Variants in TRIM23 observed in about 807,000 individuals in gnomAD.
TRIM23 encodes the protein E3 ubiquitin-protein ligase TRIM23.
A neutral mutation model predicts 71.0 loss-of-function variants in TRIM23; 27 were observed. The ratio of observed to expected loss-of-function variants is 0.38; its 90% CI spans 0.28 to 0.52. The LOEUF (loss-of-function observed/expected upper bound fraction) is 0.52, where lower values mean the gene tolerates loss of function less well. Among genes scored for constraint, TRIM23 ranks in the 20% least tolerant of loss-of-function variants. The pLI is 0.84. For missense variants in TRIM23, 482 were observed against 692.3 expected, an observed-to-expected ratio of 0.70 and a Z score of 3.41; for synonymous variants, 234 against 238.0, an observed-to-expected ratio of 0.98 and a Z score of 0.16.
intron 10 of TRIM23, among the ~76,000 whole-genome samples, chr5:65,593,906 T>C (rs758217627): frequency 6.6e-6 from 1 of 152,214 alleles, no homozygotes; most frequent in African/African-American, 2.4e-5. Flanking sequence ...AATTATAGTA[T>C]TGAAACACTG....
chr5:65,613,515 A>T (rs1754705367), intron 3 of TRIM23, among the ~76,000 whole-genome samples: 2 of 152,230 alleles, frequency 1.3e-5, no homozygotes. Context: ...ATGTGCAGCT[A>T]TGCAAACACA....
At chr5:65,620,024 G>T (rs1413218872) in intron 1 of TRIM23, among the ~76,000 whole-genome samples, 1 of 152,162 alleles carries the variant, frequency 6.6e-6, no homozygotes, top group Non-Finnish European at 1.5e-5. Flanking sequence ...GGCGGAGGTT[G>T]CAGTGAGCCA....
intron 1 of TRIM23, among the ~76,000 whole-genome samples, chr5:65,620,997 T>G (rs1335611816): frequency 1.3e-5 from 2 of 151,800 alleles, no homozygotes; most frequent in Non-Finnish European, 1.5e-5. Flanking sequence ...GCCATTGCAC[T>G]CCCACCTGGG....
chr5:65,591,909 G>A lies in TRIM23; in HGVS notation c.1585C>T (p.Leu529=). 6.2e-7 allele frequency: 1 copy of A among 1,613,674 alleles called. No homozygotes were observed. The highest frequency in any genetic ancestry group is 8.5e-7 in the Non-Finnish European group (1 of 1,179,810). The change falls in exon 11 of 11, where the codon CTA becomes TTA. Residue 529 remains leucine, a synonymous_variant. Transcript: ENST00000231524. ...CAGCATAATTTATGGAGACTGAGTA[G>A]TTCAGTGATTTCTTCTACTGACAGT... ...GALSVEEITE[L]LSLHKLCCGR...
chr5:65,615,563 CA>C (rs1248142131), intron 2 of TRIM23, among the ~76,000 whole-genome samples: 1 of 151,756 alleles, frequency 6.6e-6, no homozygotes, highest in African/African-American at 2.4e-5. Flanking sequence ...GTGGTTCTCC[CA>C]AAAAAACTGG....
intron 1 of TRIM23, among the ~76,000 whole-genome samples, chr5:65,623,114 T>A (rs1754991385): frequency 6.6e-6 from 1 of 152,236 alleles, no homozygotes; most frequent in Admixed American, 6.5e-5. Context: ...GATACTAAAT[T>A]GTGGGAAGAA....
At chr5:65,599,201 A>T (rs1386245174) in intron 7 of TRIM23, among the ~76,000 whole-genome samples, 7 of 152,228 alleles carry the variant, frequency 4.6e-5, no homozygotes. Context: ...CTATTAGAAT[A>T]AAGTCAACAA....
chr5:65,606,557 C>T (rs1017754702), intron 6 of TRIM23, among the ~76,000 whole-genome samples: 2 of 152,094 alleles, frequency 1.3e-5, no homozygotes, highest in Non-Finnish European at 2.9e-5. Context: ...GATTTCAGCT[C>T]CTATTACTCT....
At chr5:65,621,811 ATGT>A (rs756349678) in intron 1 of TRIM23, among the ~76,000 whole-genome samples, 1 of 151,344 alleles carries the variant, frequency 6.6e-6, no homozygotes, top group Non-Finnish European at 1.5e-5. Flanking sequence ...ATTTTATTTT[ATGT>A]TGTTATTTAT....
Position 65,590,255 on chromosome 5 carries a change from G to T in TRIM23, c.*1514C>A. The T allele has an allele frequency of 9.3e-7, 1 of 1,077,460 alleles. No individual in the cohort carries two copies. The highest frequency in any genetic ancestry group is 1.4e-6 in the Non-Finnish European group (1 of 727,302). The allele number at this position is 1,077,460 out of a possible 1,614,324, so 66.7% of individuals were successfully genotyped here. A position where few individuals can be genotyped will look rare whatever the true frequency, so the allele number is the denominator to read the frequency against. On this transcript the variant is annotated 3_prime_UTR_variant, in exon 11 of 11. Transcript: ENST00000231524. ...AAATATTAAATAATTTAATTCGGAA[G>T]TATTATTTATGCACACAAACTACAC...
chr5:65,624,225 C>G lies in TRIM23; in HGVS notation c.50G>C (p.Arg17Pro). 1 of 1,614,216 alleles carries G rather than the reference C, an allele frequency of 6.2e-7. No homozygotes were observed. The highest frequency in any genetic ancestry group is 8.5e-7 in the Non-Finnish European group (1 of 1,180,046). The change falls in exon 1 of 11, where the codon CGG (arginine) becomes CCG (proline). Residue 17 changes from arginine to proline, a missense_variant. By Grantham distance (103) the Arg-to-Pro change is moderately radical (BLOSUM62 -2). Around this residue, in one of 2 missense-constraint regions of TRIM23, gnomAD observed 175 missense variants for 196.5 expected, o/e 0.89. Transcript: ENST00000231524. ...NKLGAGVDSG[R>P]QGSRGTAVVK... ...TACAGCTGTCCCCCGGCTGCCCTGC[C>G]GGCCACTGTCTACTCCCGCTCCGAG...
chr5:65,617,595 A>C (rs1263299240), intron 2 of TRIM23, among the ~76,000 whole-genome samples: 2 of 152,232 alleles, frequency 1.3e-5, no homozygotes, highest in Non-Finnish European at 2.9e-5. Context: ...AAACTGCAAA[A>C]AAAAGCCACA....
Position 65,590,191 on chromosome 5 carries a change from CA to C in TRIM23, c.*1577del, listed in dbSNP as rs1753980076. The C allele has an allele frequency of 1.3e-6, 1 of 751,838 alleles. No individual in the cohort carries two copies. The highest frequency in any genetic ancestry group is 1.8e-5 in the African/African-American group (1 of 55,318). The allele number at this position is 751,838 out of a possible 1,614,324, so 46.6% of individuals were successfully genotyped here. On this transcript the variant is annotated 3_prime_UTR_variant, in exon 11 of 11. Transcript: ENST00000231524. ...ACAGTTCAAGTTCTCACAAGCAATACAACACCTTTTTTATTTTTCACAGTTA... is the reference window on the plus strand; with the variant it reads ...ACAGTTCAAGTTCTCACAAGCAATACACACCTTTTTTATTTTTCACAGTTA...
At chr5:65,613,864 T>C in intron 3 of TRIM23, 3 of 1,423,732 alleles carry the variant, frequency 2.1e-6, no homozygotes, top group Admixed American at 2.2e-5. Flanking sequence ...AACTGAATTA[T>C]GATAAGGAAA....
At chr5:65,616,117 TG>T (rs1172858395) in intron 2 of TRIM23, among the ~76,000 whole-genome samples, 1 of 152,198 alleles carries the variant, frequency 6.6e-6, no homozygotes, top group Non-Finnish European at 1.5e-5. Context: ...GGCAAGGAAG[TG>T]TAATTTCACC....
intron 7 of TRIM23, among the ~76,000 whole-genome samples, chr5:65,602,523 C>G (rs1268191366): frequency 2.0e-5 from 3 of 152,196 alleles, no homozygotes; most frequent in Non-Finnish European, 2.9e-5. Flanking sequence ...CACCCTCTAC[C>G]TGTTACCCAG....
intron 3 of TRIM23, chr5:65,613,589 A>C: frequency 2.3e-5 from 13 of 571,986 alleles, no homozygotes; most frequent in Non-Finnish European, 2.7e-5. Flanking sequence ...GATATTTACT[A>C]GACATCTACC....
At chr5:65,606,514 G>A (rs1754510218) in intron 6 of TRIM23, among the ~76,000 whole-genome samples, 1 of 151,324 alleles carries the variant, frequency 6.6e-6, no homozygotes, top group Non-Finnish European at 1.5e-5. Flanking sequence ...GCCTCACAGG[G>A]CCTTCCTTAC....
intron 8 of TRIM23, 54 bp from the exon 9 acceptor site, chr5:65,596,585 C>T: frequency 9.4e-7 from 1 of 1,063,106 alleles, no homozygotes; most frequent in Non-Finnish European, 1.4e-6. Flanking sequence ...CAATGAATGA[C>T]ATATCAAACA....
Sources: allele counts gnomAD v4.1 joint callset (sites outside exome capture counted in the v4.1 genomes callset), GRCh38; gene constraint gnomAD v4.1.1; regional missense constraint gnomAD v4.1.1; transcripts MANE v1.5; gene names NCBI Gene and HGNC (gene_info 2026-07-23, HGNC 2026-07-21).